CRIM1: variants seen among roughly 807,000 people sequenced by gnomAD.
CRIM1 encodes cysteine rich transmembrane BMP regulator 1.
Under a neutral mutation model 116.4 loss-of-function variants are expected in CRIM1, and 32 were observed. The ratio of observed to expected loss-of-function variants is 0.27; its 90% CI spans 0.21 to 0.37. The LOEUF (loss-of-function observed/expected upper bound fraction) is 0.37, where lower values mean the gene tolerates loss of function less well. CRIM1 is among the 10% of genes least tolerant of loss of function. CRIM1 has a pLI of 1.00. For missense variants in CRIM1, 1,331 were observed against 1,354.8 expected (o/e 0.98, Z 0.28); for synonymous variants, 590 against 509.2 (o/e 1.16, Z -2.13).
chr2:36,400,907 A>G (rs916999298), intron 2 of CRIM1, among the ~76,000 whole-genome samples: 1 of 152,110 alleles, frequency 6.6e-6, no homozygotes, highest in Non-Finnish European at 1.5e-5. Context: ...GAAGGTGAAT[A>G]GTCTAGTTAA....
intron 2 of CRIM1, among the ~76,000 whole-genome samples, chr2:36,439,497 C>T (rs768552061): frequency 9.9e-5 from 15 of 152,158 alleles, no homozygotes; most frequent in Non-Finnish European, 1.8e-4. Flanking sequence ...GGTTCTAAAT[C>T]GCCAGGTACC....
intron 7 of CRIM1, among the ~76,000 whole-genome samples, chr2:36,483,471 T>C (rs1291943198): frequency 6.6e-6 from 1 of 152,138 alleles, no homozygotes; most frequent in Non-Finnish European, 1.5e-5. Flanking sequence ...TCGGTATGGG[T>C]GCTGTCATCC....
At chr2:36,377,501 C>T (rs868456081) in intron 1 of CRIM1, among the ~76,000 whole-genome samples, 11 of 152,296 alleles carry the variant, frequency 7.2e-5, no homozygotes, top group African/African-American at 2.4e-4. Flanking sequence ...TGGTGTGTTA[C>T]CCTGGCCAAA....
chr2:36,439,523 A>G (rs766617906), intron 2 of CRIM1, among the ~76,000 whole-genome samples: 17 of 151,910 alleles, frequency 1.1e-4, no homozygotes, highest in African/African-American at 3.6e-4. Flanking sequence ...TGCTCATCCA[A>G]CCTCATCTCC....
chr2:36,477,419 C>T (rs1679068172), intron 6 of CRIM1, among the ~76,000 whole-genome samples: 1 of 152,194 alleles, frequency 6.6e-6, no homozygotes, highest in South Asian at 2.1e-4. Context: ...TAGAGCTCAC[C>T]ACCTCCTCAC....
intron 1 of CRIM1, among the ~76,000 whole-genome samples, chr2:36,359,719 C>A (rs934797028): frequency 1.3e-5 from 2 of 152,152 alleles, no homozygotes; most frequent in Non-Finnish European, 2.9e-5. Flanking sequence ...TAAATAAATT[C>A]TAATTGAATT....
chr2:36,460,059 A>C (rs1259814418), intron 4 of CRIM1, among the ~76,000 whole-genome samples: 2 of 152,106 alleles, frequency 1.3e-5, no homozygotes, highest in Non-Finnish European at 2.9e-5. Flanking sequence ...CATTGTACTC[A>C]GGCACTCAGG....
chr2:36,391,815 G>A (rs574737841), intron 1 of CRIM1, among the ~76,000 whole-genome samples: 1 of 149,830 alleles, frequency 6.7e-6, no homozygotes, highest in African/African-American at 2.5e-5. Context: ...AAAAAAAATG[G>A]TACATAAAAC....
intron 4 of CRIM1, among the ~76,000 whole-genome samples, chr2:36,463,866 T>C (rs542525826): frequency 7.2e-5 from 11 of 152,268 alleles, no homozygotes; most frequent in Non-Finnish European, 1.3e-4. Flanking sequence ...AATTAAGACT[T>C]TCAGCTTCCA....
intron 13 of CRIM1, among the ~76,000 whole-genome samples, chr2:36,534,436 G>A (rs1666365696): frequency 7.1e-6 from 1 of 140,336 alleles, no homozygotes; most frequent in South Asian, 2.5e-4. Context: ...AAGGGGACAG[G>A]AAGGGAGGGA....
At chr2:36,405,269 T>G (rs1672700574) in intron 2 of CRIM1, among the ~76,000 whole-genome samples, 1 of 152,218 alleles carries the variant, frequency 6.6e-6, no homozygotes, top group Admixed American at 6.5e-5. Flanking sequence ...CATGCCGCCT[T>G]TGAAATAGTG....
chr2:36,507,538 T>C (rs999008213), intron 8 of CRIM1, among the ~76,000 whole-genome samples: 5 of 152,132 alleles, frequency 3.3e-5, no homozygotes, highest in African/African-American at 9.7e-5. Context: ...GCTCCCTCTA[T>C]TGGGAAGCTG....
At chr2:36,360,046 A>G (rs1164618500) in intron 1 of CRIM1, among the ~76,000 whole-genome samples, 1 of 152,234 alleles carries the variant, frequency 6.6e-6, no homozygotes, top group Non-Finnish European at 1.5e-5. Flanking sequence ...GATCGAAGGC[A>G]GAGTTTAGAA....
chr2:36,529,485 A>C (rs1003913204), intron 13 of CRIM1: 1 of 211,190 alleles, frequency 4.7e-6, no homozygotes, highest in Non-Finnish European at 9.8e-6. Flanking sequence ...TTTTAAAATG[A>C]CATTTTTATA....
chr2:36,513,619 A>G lies in CRIM1; in HGVS notation c.1844A>G (p.His615Arg). The G allele has an allele frequency of 6.2e-7, 1 of 1,614,108 alleles. No homozygotes were observed. Among genetic ancestry groups the G allele is most frequent in the Non-Finnish European group, 8.5e-7 (1 of 1,180,022 alleles). Reference sequence around the variant, plus strand: ...ACTTGTCTCACCGTGGATGGTCATCATCATAAAAATGAGGAGAGCTGGCAC... The same window carrying G: ...ACTTGTCTCACCGTGGATGGTCATCGTCATAAAAATGAGGAGAGCTGGCAC... ...SGTCLTVDGH[H>R]HKNEESWHDG... The change falls in exon 11 of 17, where the codon CAT becomes CGT. Residue 615 changes from histidine to arginine, a missense_variant. Physicochemically the swap from His to Arg is conservative, Grantham distance 29. Coordinates refer to ENST00000280527, the MANE Select transcript of CRIM1 (RefSeq NM_016441.3).
intron 2 of CRIM1, among the ~76,000 whole-genome samples, chr2:36,406,239 A>G (rs1274458797): frequency 1.3e-5 from 2 of 152,358 alleles, no homozygotes; most frequent in South Asian, 4.1e-4. Context: ...AGTCGTTACA[A>G]ATTATCACCA....
intron 5 of CRIM1, among the ~76,000 whole-genome samples, chr2:36,475,219 A>G (rs759589949): frequency 5.3e-5 from 8 of 152,234 alleles, no homozygotes; most frequent in East Asian, 1.9e-4. Context: ...TTGTCTTTCA[A>G]TCCATGAACA....
At chr2:36,444,341 G>A (rs902790967) in intron 4 of CRIM1, among the ~76,000 whole-genome samples, 3 of 152,190 alleles carry the variant, frequency 2.0e-5, no homozygotes, top group Non-Finnish European at 4.4e-5. Context: ...GTGATGTTCT[G>A]TAATGAATTG....
chr2:36,544,876 G>T (rs1374296344), intron 15 of CRIM1, among the ~76,000 whole-genome samples: 6 of 152,164 alleles, frequency 3.9e-5, no homozygotes, highest in African/African-American at 1.4e-4. Flanking sequence ...GTCTCTTGTA[G>T]ATTCCGCACT....
Sources: gnomAD v4.1 joint callset for allele counts (sites outside exome capture counted in the v4.1 genomes callset) on GRCh38, gnomAD v4.1.1 for gene constraint, MANE v1.5 for transcripts, NCBI Gene and HGNC (gene_info 2026-07-23, HGNC 2026-07-21) for gene names.